The following LDLRAD4 variants were observed in gnomAD, a reference collection of about 807,000 sequenced individuals.
The protein encoded by LDLRAD4 is low-density lipoprotein receptor class A domain-containing protein 4.
In LDLRAD4, 5 loss-of-function variants were observed where a neutral mutation model predicts 17.0. The ratio of observed to expected loss-of-function variants is 0.29; its 90% CI spans 0.15 to 0.62. The LOEUF (loss-of-function observed/expected upper bound fraction) is 0.62, where lower values mean the gene tolerates loss of function less well. Ranked by LOEUF, LDLRAD4 falls within the 20% of genes least tolerant of loss-of-function variation. LDLRAD4 has a pLI of 0.84. For missense variants in LDLRAD4, 340 were observed against 424.7 expected (o/e 0.80, Z 1.75); for synonymous variants, 168 against 171.8 (o/e 0.98, Z 0.17).
At chr18:13,599,634 G>A (rs1423539639) in intron 3 of LDLRAD4, among the ~76,000 whole-genome samples, 2 of 151,850 alleles carry the variant, frequency 1.3e-5, no homozygotes, top group Non-Finnish European at 2.9e-5. Flanking sequence ...GGGACTACAG[G>A]CGCCCGCCAC....
chr18:13,641,991 G>A, intron 4 of LDLRAD4: 1 of 984,992 alleles, frequency 1.0e-6, no homozygotes, highest in East Asian at 1.1e-4. Context: ...GGCGGTGGGA[G>A]GGCCTCCGCC....
At chr18:13,401,869 G>C (rs939053112) in intron 2 of LDLRAD4, among the ~76,000 whole-genome samples, 5 of 152,176 alleles carry the variant, frequency 3.3e-5, no homozygotes, top group Non-Finnish European at 7.3e-5. Flanking sequence ...TTATCCTCAT[G>C]CTTCCCTGAG....
chr18:13,326,831 C>T (rs547297822), intron 1 of LDLRAD4, among the ~76,000 whole-genome samples: 3 of 152,024 alleles, frequency 2.0e-5, no homozygotes, highest in Non-Finnish European at 2.9e-5. Context: ...TGCAATGGCA[C>T]GATCTTGGCT....
At chr18:13,524,981 A>G (rs1196427707) in intron 3 of LDLRAD4, among the ~76,000 whole-genome samples, 3 of 152,188 alleles carry the variant, frequency 2.0e-5, no homozygotes, top group African/African-American at 7.2e-5. Context: ...ACTGTGCCTG[A>G]GTGTTAGAAG....
At chr18:13,447,129 G>A (rs1046817650) in intron 3 of LDLRAD4, among the ~76,000 whole-genome samples, 5 of 90,986 alleles carry the variant, frequency 5.5e-5, no homozygotes, top group African/African-American at 8.2e-5. Flanking sequence ...CTCCCCGCCC[G>A]CCCCCCCTTT....
chr18:13,499,148 TCA>T (rs1309331156), intron 3 of LDLRAD4, among the ~76,000 whole-genome samples: 18 of 112,564 alleles, frequency 1.6e-4, no homozygotes, highest in Admixed American at 6.4e-4. Context: ...ATCCTTCTAC[TCA>T]CACACACGTC....
intron 1 of LDLRAD4, among the ~76,000 whole-genome samples, chr18:13,281,229 A>T (rs1479580532): frequency 6.6e-6 from 1 of 152,142 alleles, no homozygotes; most frequent in Non-Finnish European, 1.5e-5. Context: ...TCTACTAAAA[A>T]ATCAAAAAAA....
intron 3 of LDLRAD4, among the ~76,000 whole-genome samples, chr18:13,531,008 C>G (rs902411903): frequency 1.7e-4 from 26 of 152,186 alleles, no homozygotes; most frequent in Admixed American, 2.6e-4. Flanking sequence ...CAGTGGTTCT[C>G]CTTCGTTTCA....
chr18:13,247,832 C>G (rs904688179), intron 1 of LDLRAD4, among the ~76,000 whole-genome samples: 9 of 152,120 alleles, frequency 5.9e-5, no homozygotes, highest in Admixed American at 5.9e-4. Flanking sequence ...TTTTCATAGG[C>G]CACGGGATTT....
At chr18:13,370,179 C>T (rs1007584453) in intron 1 of LDLRAD4, among the ~76,000 whole-genome samples, 18 of 152,348 alleles carry the variant, frequency 1.2e-4, no homozygotes, top group East Asian at 3.9e-4. Flanking sequence ...AAAATACATG[C>T]GCCAGCACAC....
chr18:13,236,307 C>CTTTTTTTTTTTT (rs777785875), intron 1 of LDLRAD4: 2 of 113,384 alleles, frequency 1.8e-5, no homozygotes, highest in African/African-American at 7.7e-5. Flanking sequence ...AATAGAAAAA[C>CTTTTTTTTTTTT]TTTTTTTTTT....
At chr18:13,589,411 C>T (rs921149604) in intron 3 of LDLRAD4, among the ~76,000 whole-genome samples, 3 of 152,220 alleles carry the variant, frequency 2.0e-5, no homozygotes, top group Non-Finnish European at 2.9e-5. Flanking sequence ...TGTTCATTTT[C>T]GTTTGCAAAT....
Position 13,475,987 on chromosome 18 carries a change from G to T in LDLRAD4, c.181+37603G>T, listed in dbSNP as rs561451738. Among the ~76,000 whole-genome samples, 5 of 152,286 alleles carry T rather than the reference G, an allele frequency of 3.3e-5. No individual in the cohort carries two copies. In the East Asian group the frequency reaches 9.7e-4, roughly 29 times the overall value. The stretch of plus-strand genomic sequence containing the variant: ...TCGGCCTCATTGGAACAGGGTGTTT[G>T]TCAGGGGAACGGGAGGTCAGCCTCA... On this transcript the variant is annotated intron_variant, in intron 3 of 5. Transcript: ENST00000359446.
At chr18:13,392,621 G>A (rs2086362662) in intron 2 of LDLRAD4, among the ~76,000 whole-genome samples, 1 of 152,178 alleles carries the variant, frequency 6.6e-6, no homozygotes, top group South Asian at 2.1e-4. Flanking sequence ...ATCCTTTCTG[G>A]GTGTCACCGT....
chr18:13,228,580 A>T (rs1286719352), intron 1 of LDLRAD4, among the ~76,000 whole-genome samples: 1 of 152,146 alleles, frequency 6.6e-6, no homozygotes, highest in Non-Finnish European at 1.5e-5. Flanking sequence ...GGCTCGGTTG[A>T]ACATTTGTTT....
intron 1 of LDLRAD4, among the ~76,000 whole-genome samples, chr18:13,357,385 A>G (rs1267325296): frequency 6.7e-6 from 1 of 150,050 alleles, no homozygotes; most frequent in Admixed American, 6.7e-5. Context: ...CTTGAAATTT[A>G]TTTGTTGTAA....
upstream of LDLRAD4, among the ~76,000 whole-genome samples, chr18:13,274,397 C>T (rs980238068): frequency 6.6e-6 from 1 of 152,198 alleles, no homozygotes; most frequent in Non-Finnish European, 1.5e-5. Context: ...TGCTAAGCAG[C>T]AGGTCAGTGT....
At chr18:13,531,078 T>C (rs115370510) in intron 3 of LDLRAD4, among the ~76,000 whole-genome samples, 2,546 of 152,262 alleles carry the variant, frequency 0.017, 70 homozygotes, top group African/African-American at 0.058. Context: ...TCCTGCACTC[T>C]ACAAAACTAG....
At chr18:13,410,376 A>T (rs1325872349) in intron 2 of LDLRAD4, among the ~76,000 whole-genome samples, 1 of 152,222 alleles carries the variant, frequency 6.6e-6, no homozygotes. Flanking sequence ...CTTAGTTTTG[A>T]TGATTGCACT....
Sources: allele counts gnomAD v4.1 joint callset (sites outside exome capture counted in the v4.1 genomes callset), GRCh38; gene constraint gnomAD v4.1.1; transcripts MANE v1.5; gene names NCBI Gene and HGNC (gene_info 2026-07-23, HGNC 2026-07-21).